The following ZNF438 variants were observed in gnomAD, a reference collection of about 807,000 sequenced individuals.
ZNF438 encodes zinc finger protein 438.
In ZNF438, 25 loss-of-function variants were observed where a neutral mutation model predicts 38.0. The observed-to-expected ratio is 0.66, with a 90% confidence interval of 0.48 to 0.92. The LOEUF (loss-of-function observed/expected upper bound fraction) is 0.92. Among genes scored for constraint, ZNF438 ranks in the 40% least tolerant of loss-of-function variants. The pLI is 0.00. For synonymous variants in ZNF438, 372 were observed against 364.1 expected (o/e 1.02, Z -0.25); for missense variants, 1,007 against 999.6 (o/e 1.01, Z -0.10).
chr10:30,990,347 A>G (rs1490882509), intron 1 of ZNF438, among the ~76,000 whole-genome samples: 2 of 152,246 alleles, frequency 1.3e-5, no homozygotes, highest in African/African-American at 4.8e-5. Context: ...ATGAACAAAT[A>G]GATACAAATA....
chr10:30,992,692 C>T (rs2053626666), intron 1 of ZNF438, among the ~76,000 whole-genome samples: 2 of 152,186 alleles, frequency 1.3e-5, no homozygotes, highest in Non-Finnish European at 2.9e-5. Flanking sequence ...GGATTACAGG[C>T]GTGAGCCACC....
chr10:30,974,778 TAA>T (rs1363077810), intron 1 of ZNF438, among the ~76,000 whole-genome samples: 1 of 152,220 alleles, frequency 6.6e-6, no homozygotes, highest in African/African-American at 2.4e-5. Flanking sequence ...CACAGAATTT[TAA>T]AGTTAGAAAG....
intron 1 of ZNF438, among the ~76,000 whole-genome samples, chr10:31,019,464 TG>T (rs928470293): frequency 6.6e-6 from 1 of 152,228 alleles, no homozygotes; most frequent in Non-Finnish European, 1.5e-5. Flanking sequence ...AAAATTTTGA[TG>T]GCGTCAACTT....
chr10:30,860,258 T>C (rs555181196), intron 4 of ZNF438, among the ~76,000 whole-genome samples: 40 of 152,328 alleles, frequency 2.6e-4, no homozygotes, highest in African/African-American at 9.4e-4. Context: ...CAGACAAGCC[T>C]TGCTGGGTTT....
chr10:30,844,669 A>G, exon 6 of ZNF438: 1 of 311,246 alleles, frequency 3.2e-6, no homozygotes, highest in South Asian at 4.9e-5. Context: ...AACAGCCTAT[A>G]TTCTGCTAAA....
exon 5 of ZNF438, chr10:30,848,657 A>C (rs201241760): frequency 3.1e-6 from 5 of 1,614,232 alleles, no homozygotes; most frequent in Non-Finnish European, 4.2e-6. Flanking sequence ...CAGATGGCCA[A>C]AATAGACTCG....
chr10:30,849,072 G>C, exon 5 of ZNF438: 1 of 1,614,062 alleles, frequency 6.2e-7, no homozygotes, highest in South Asian at 1.1e-5. Flanking sequence ...GCCAAAGTGG[G>C]TATGACCATG....
intron 2 of ZNF438, among the ~76,000 whole-genome samples, chr10:30,909,918 A>G (rs2042916087): frequency 6.6e-6 from 1 of 152,198 alleles, no homozygotes; most frequent in South Asian, 2.1e-4. Context: ...GGGTACATAG[A>G]GTGATGCAAA....
At chr10:31,029,614 C>T (rs1343716207) in intron 1 of ZNF438, among the ~76,000 whole-genome samples, 9 of 152,238 alleles carry the variant, frequency 5.9e-5, no homozygotes, top group Non-Finnish European at 1.3e-4. Context: ...GGCACAGCAG[C>T]TTTCTCCCGA....
intron 1 of ZNF438, among the ~76,000 whole-genome samples, chr10:30,995,727 C>T (rs1256107284): frequency 2.0e-5 from 3 of 152,226 alleles, no homozygotes; most frequent in Admixed American, 1.3e-4. Flanking sequence ...TACATTTAGA[C>T]AATAACAGCA....
intron 4 of ZNF438, among the ~76,000 whole-genome samples, chr10:30,854,838 G>A (rs187065939): frequency 1.7e-3 from 253 of 152,220 alleles, no homozygotes; most frequent in Non-Finnish European, 2.7e-3. Context: ...ACTGAACCTC[G>A]GAGGCAGAGC....
intron 1 of ZNF438, among the ~76,000 whole-genome samples, chr10:30,943,695 C>T (rs770604217): frequency 8.2e-4 from 124 of 151,954 alleles, no homozygotes; most frequent in Middle Eastern, 3.2e-3. Flanking sequence ...CAACCAGTAA[C>T]AGGAATTAGA....
intron 1 of ZNF438, among the ~76,000 whole-genome samples, chr10:30,986,138 G>A (rs147103178): frequency 6.6e-6 from 1 of 152,202 alleles, no homozygotes; most frequent in African/African-American, 2.4e-5. Context: ...TACACTCTAT[G>A]ATACTTTCAC....
At chr10:31,029,207 G>A (rs553964383) in intron 1 of ZNF438, among the ~76,000 whole-genome samples, 70 of 152,170 alleles carry the variant, frequency 4.6e-4, no homozygotes, top group South Asian at 2.9e-3. Flanking sequence ...CTATTTTCTC[G>A]TGCTGTAAAA....
At chr10:31,019,119 C>T (rs1339578546) in intron 1 of ZNF438, among the ~76,000 whole-genome samples, 3 of 152,202 alleles carry the variant, frequency 2.0e-5, no homozygotes, top group Non-Finnish European at 2.9e-5. Context: ...GCCACACTCT[C>T]ATACAATCTA....
chr10:30,969,786 T>TAACCAA (rs1046707350), intron 1 of ZNF438, among the ~76,000 whole-genome samples: 1 of 152,084 alleles, frequency 6.6e-6, no homozygotes, highest in South Asian at 2.1e-4. Context: ...TGTGACTTCA[T>TAACCAA]AACCAAAACC....
intron 2 of ZNF438, among the ~76,000 whole-genome samples, chr10:30,918,529 T>A (rs1012260251): frequency 6.6e-6 from 1 of 152,200 alleles, no homozygotes; most frequent in African/African-American, 2.4e-5. Context: ...ATAGGTTCTA[T>A]TAATGATCAT....
intron 1 of ZNF438, among the ~76,000 whole-genome samples, chr10:30,968,285 C>A (rs762320865): frequency 2.0e-4 from 31 of 152,224 alleles, no homozygotes; most frequent in African/African-American, 7.0e-4. Flanking sequence ...GTTTAAACAT[C>A]TTGTTCCTAG....
chr10:30,981,353 G>T (rs2052112277), intron 1 of ZNF438, among the ~76,000 whole-genome samples: 1 of 152,150 alleles, frequency 6.6e-6, no homozygotes, highest in South Asian at 2.1e-4. Flanking sequence ...ATAATCCGAA[G>T]TTTACTACGT....
Sources: gnomAD v4.1 joint callset for allele counts (sites outside exome capture counted in the v4.1 genomes callset) on GRCh38, gnomAD v4.1.1 for gene constraint, MANE v1.5 for transcripts, NCBI Gene and HGNC (gene_info 2026-07-23, HGNC 2026-07-21) for gene names.